FGL2: variants seen among roughly 807,000 people sequenced by gnomAD.
FGL2 encodes fibrinogen like 2.
In FGL2, 21 loss-of-function variants were observed where a neutral mutation model predicts 36.0. The ratio of observed to expected loss-of-function variants is 0.58; its 90% CI spans 0.41 to 0.84. The LOEUF is 0.84. FGL2 is among the 40% of genes least tolerant of loss of function. The pLI is 0.00. For synonymous variants in FGL2, 183 were observed against 190.7 expected (o/e 0.96, Z 0.33); for missense variants, 444 against 526.3 (o/e 0.84, Z 1.53).
At position 77,199,507 on chromosome 7, in the gene FGL2, C is replaced by T. The variant is rs765698358; in HGVS notation, c.287G>A (p.Cys96Tyr). ...KEIVNSLKKS[C>Y]QDCKLQADDN... Reference sequence around the variant, plus strand: ...ATCAGCCTGCAGCTTGCAGTCTTGGCAAGATTTCTTTAGACTATTTACGAT... The same window carrying T: ...ATCAGCCTGCAGCTTGCAGTCTTGGTAAGATTTCTTTAGACTATTTACGAT... The change falls in exon 1 of 2, where the codon TGC (cysteine) becomes TAC (tyrosine). Residue 96 changes from cysteine to tyrosine, a missense_variant. Physicochemically the swap from Cys to Tyr is radical, Grantham distance 194. Transcript: ENST00000248598. 1.2e-6 allele frequency: 2 copies of T among 1,614,074 alleles called. No homozygotes were observed. The highest frequency in any genetic ancestry group is 1.1e-5 in the South Asian group (1 of 91,080).
intron 1 of FGL2, among the ~76,000 whole-genome samples, chr7:77,197,830 T>C (rs1235777095): frequency 2.0e-5 from 3 of 152,202 alleles, no homozygotes; most frequent in Non-Finnish European, 2.9e-5. Flanking sequence ...GTTGGGTTTC[T>C]AGAAAGAAAC....
chr7:77,197,240 A>G (rs1209081990), intron 1 of FGL2, among the ~76,000 whole-genome samples: 2 of 152,256 alleles, frequency 1.3e-5, no homozygotes, highest in Non-Finnish European at 2.9e-5. Flanking sequence ...CGACAATAAG[A>G]AAATAATAAA....
rs1188181698 is a variant in FGL2, at chr7:77,199,247, C to A, written c.547G>T (p.Val183Phe). 5 of 1,614,018 alleles carry A rather than the reference C, an allele frequency of 3.1e-6. No homozygotes were observed. Among genetic ancestry groups the A allele is most frequent in the Non-Finnish European group, 4.2e-6 (5 of 1,179,940 alleles). The change falls in exon 1 of 2, where the codon GTT becomes TTT. Residue 183 changes from valine to phenylalanine, a missense_variant. Val to Phe is a conservative substitution (Grantham distance 50, BLOSUM62 -1). Transcript: ENST00000248598. ...CATTTGCCATCCAAACTATTGACAA[C>A]AAATGTTAGATTTGCCACTTTGCTG... ...VDSKVANLTF[V>F]VNSLDGKCSK...
Position 77,195,922 on chromosome 7 carries a change from GC to G in FGL2, c.*356del, listed in dbSNP as rs1372708106. The G allele has an allele frequency of 5.3e-6, 1 of 187,366 alleles. No individual in the cohort carries two copies. The highest frequency in any genetic ancestry group is 2.4e-5 in the African/African-American group (1 of 42,228). 11.6% of individuals were successfully genotyped at this position (187,366 alleles called of 1,614,324 possible). ...TCTGCCTGCCTTGACATTCCAAAGT[GC>G]TGGGATTACAGGCGTGAGCTACCAC... is the stretch of plus-strand genomic sequence containing the variant. On this transcript the variant is annotated 3_prime_UTR_variant, in exon 2 of 2. Coordinates refer to ENST00000248598, the MANE Select transcript of FGL2 (RefSeq NM_006682.3).
At position 77,199,649 on chromosome 7, in the gene FGL2, A is replaced by C. The variant is rs774275191; in HGVS notation, c.145T>G (p.Cys49Gly). 2.5e-6 allele frequency: 4 copies of C among 1,614,076 alleles called. No individual in the cohort carries two copies. The highest frequency in any genetic ancestry group is 1.3e-5 in the African/African-American group (1 of 75,006). The change falls in exon 1 of 2, where the codon TGC becomes GGC. Residue 49 changes from cysteine to glycine, a missense_variant. Cys to Gly is a radical substitution (Grantham distance 159). Coordinates refer to ENST00000248598, the MANE Select transcript of FGL2 (RefSeq NM_006682.3). ...CPVRLESRGKCEEAGECPYQV... is the reference protein window; with the variant it reads ...CPVRLESRGKGEEAGECPYQV... ...TAGGGGCACTCCCCTGCCTCTTCGC[A>C]TTTCCCTCTGCTTTCTAGTCTCACT...
intron 1 of FGL2, 28 bp downstream of exon 1, chr7:77,199,153 T>C: frequency 6.3e-7 from 1 of 1,582,018 alleles, no homozygotes; most frequent in Non-Finnish European, 8.6e-7. Context: ...TTTATGAACA[T>C]ATGATAAGAA....
At chr7:77,197,203 A>G (rs897235997) in intron 1 of FGL2, among the ~76,000 whole-genome samples, 31 of 152,254 alleles carry the variant, frequency 2.0e-4, no homozygotes, top group African/African-American at 7.0e-4. Flanking sequence ...CTTGGTTGGT[A>G]GTAATAATGA....
At chr7:77,197,007 G>A in intron 1 of FGL2, 22 bp from the exon 2 acceptor site, 1 of 1,431,488 alleles carries the variant, frequency 7.0e-7, no homozygotes, top group Non-Finnish European at 9.7e-7. Flanking sequence ...ATAAAAGGAA[G>A]GCATTGGATC....
At position 77,196,412 on chromosome 7, in the gene FGL2, T is replaced by G. The variant is rs750307630; in HGVS notation, c.1187A>C (p.Gln396Pro). ...CCCATTACGGACACCTCTGTATTTT[T>G]GGTGATAATATTTGCCATTTAAGTT... ...SANLNGKYYH[Q>P]KYRGVRNGIF... is the part of the protein sequence containing the mutation. The change falls in exon 2 of 2, where the codon CAA (glutamine) becomes CCA (proline). Residue 396 changes from glutamine (Q) to proline (P), a missense_variant. Transcript: ENST00000248598. The surrounding 1 kb of genome is among the most constrained non-coding windows in gnomAD (Gnocchi z 4.2). 3.7e-6 allele frequency: 6 copies of G among 1,614,130 alleles called. No individual in the cohort carries two copies. In the Admixed American group the frequency reaches 1.0e-4, roughly 27 times the overall value.
Position 77,195,782 on chromosome 7 carries a change from A to T in FGL2, c.*497T>A, listed in dbSNP as rs1251369844. 6.5e-6 allele frequency: 1 copy of T among 152,940 alleles called. No homozygotes were observed. The highest frequency in any genetic ancestry group is 1.5e-5 in the Non-Finnish European group (1 of 68,684). 9.5% of individuals were successfully genotyped at this position (152,940 alleles called of 1,614,324 possible). A position where few individuals can be genotyped will look rare whatever the true frequency, so the allele number is the denominator to read the frequency against. Reference sequence around the variant, plus strand: ...AGCGATTCTCCTGCCTCAGCCTCCCAAGTAGCTAGGATTACAGGCATGTAC... The same window carrying T: ...AGCGATTCTCCTGCCTCAGCCTCCCTAGTAGCTAGGATTACAGGCATGTAC... On this transcript the variant is annotated 3_prime_UTR_variant, in exon 2 of 2. Coordinates refer to ENST00000248598, the MANE Select transcript of FGL2 (RefSeq NM_006682.3).
At chr7:77,198,333 A>G (rs1366936316) in intron 1 of FGL2, 3 of 985,104 alleles carry the variant, frequency 3.0e-6, no homozygotes, top group South Asian at 4.7e-5. Flanking sequence ...TAGAGGTCCA[A>G]ATGCGGAGAT....
At chr7:77,198,010 A>C in intron 1 of FGL2, 1 of 395,118 alleles carries the variant, frequency 2.5e-6, no homozygotes, top group Non-Finnish European at 3.4e-6. Flanking sequence ...TTTAGAGCTC[A>C]GAATATTCAG....
At chr7:77,198,829 C>T in intron 1 of FGL2, 1 of 293,018 alleles carries the variant, frequency 3.4e-6, no homozygotes, top group Non-Finnish European at 6.3e-6. Flanking sequence ...CAATTGTGAA[C>T]ATCGCCTTAT....
Position 77,199,652 on chromosome 7 carries a change from T to A in FGL2, c.142A>T (p.Lys48Ter). 6.2e-7 allele frequency: 1 copy of A among 1,614,202 alleles called. No homozygotes were observed. The highest frequency in any genetic ancestry group is 1.7e-5 in the Admixed American group (1 of 60,026). Residue 48 changes from lysine to a stop codon, truncating the protein, a stop_gained, in exon 1 of 2, where the codon AAA (lysine) becomes TAA (stop). Transcript: ENST00000248598. LOFTEE classifies it high-confidence loss of function. The stretch of plus-strand genomic sequence containing the variant: ...GGGCACTCCCCTGCCTCTTCGCATT[T>A]CCCTCTGCTTTCTAGTCTCACTGGG... ...VCPVRLESRG[K>*]CEEAGECPYQ...
Position 77,196,957 on chromosome 7 carries a change from A to C in FGL2, c.642T>G (p.Ser214=). The change falls in exon 2 of 2, where the codon TCT becomes TCG. Residue 214 remains serine (S), a synonymous_variant. Coordinates refer to ENST00000248598, the MANE Select transcript of FGL2 (RefSeq NM_006682.3). The surrounding 1 kb of genome is among the most constrained non-coding windows in gnomAD (Gnocchi z 4.2). The part of the protein sequence containing the change: ...PVQHLIYKDC[S]DYYAIGKRSS... ...TTCTTTTGCCTATTGCGTAGTAGTCAGAGCAATCTTTATATATTAGATGTT... is the reference window on the plus strand; with the variant it reads ...TTCTTTTGCCTATTGCGTAGTAGTCCGAGCAATCTTTATATATTAGATGTT... The C allele has an allele frequency of 6.2e-7, 1 of 1,609,818 alleles. No homozygotes were observed. Among genetic ancestry groups the C allele is most frequent in the East Asian group, 2.2e-5 (1 of 44,880 alleles).
chr7:77,196,505 C>T lies in FGL2; in HGVS notation c.1094G>A (p.Arg365Gln), dbSNP rs1459657752. 12 of 1,614,098 alleles carry T rather than the reference C, an allele frequency of 7.4e-6. No homozygotes were observed. The highest frequency in any genetic ancestry group is 7.6e-6 in the Non-Finnish European group (9 of 1,179,978). Residue 365 changes from arginine (R) to glutamine (Q), a missense_variant, in exon 2 of 2, where the codon CGA (arginine) becomes CAA (glutamine). Coordinates refer to ENST00000248598, the MANE Select transcript of FGL2 (RefSeq NM_006682.3). The surrounding 1 kb of genome is among the most constrained non-coding windows in gnomAD (Gnocchi z 4.2). ...FFTTPDKDND[R>Q]YPSGNCGLYY... Reference sequence around the variant, plus strand: ...CAGCCCACAGTTCCCAGAAGGATATCGATCATTGTCTTTATCTGGAGTGGT... The same window carrying T: ...CAGCCCACAGTTCCCAGAAGGATATTGATCATTGTCTTTATCTGGAGTGGT...
chr7:77,196,568 C>A lies in FGL2; in HGVS notation c.1031G>T (p.Arg344Leu), dbSNP rs569344238. Reference protein sequence around the residue: ...NYNGTAGDALRFNKHYNHDLK... With the variant: ...NYNGTAGDALLFNKHYNHDLK... ...ATCGTGGTTGTAATGTTTGTTGAAA[C>A]GTAATGCATCTCCAGCTGTGCCATT... Residue 344 changes from arginine (R) to leucine (L), a missense_variant, in exon 2 of 2, where the codon CGT becomes CTT. By Grantham distance (102) the Arg-to-Leu change is moderately radical. Transcript: ENST00000248598. The surrounding 1 kb of genome is among the most constrained non-coding windows in gnomAD (Gnocchi z 4.2). 3 of 1,614,116 alleles carry A rather than the reference C, an allele frequency of 1.9e-6. No homozygotes were observed. The highest frequency in any genetic ancestry group is 1.1e-5 in the South Asian group (1 of 91,088).
chr7:77,199,665 T>C lies in FGL2; in HGVS notation c.129A>G (p.Leu43=). 1.9e-6 allele frequency: 3 copies of C among 1,614,238 alleles called. No homozygotes were observed. The highest frequency in any genetic ancestry group is 2.5e-6 in the Non-Finnish European group (3 of 1,180,028). The change falls in exon 1 of 2, where the codon CTA becomes CTG. Residue 43 remains leucine, a synonymous_variant. Transcript: ENST00000248598. ...CCTCTTCGCATTTCCCTCTGCTTTC[T>C]AGTCTCACTGGGCAGACATCCTTTG... ...ERAKDVCPVR[L]ESRGKCEEAG...
rs1003767350 is a variant in FGL2 at position 77,194,986 on chromosome 7, A to G, written c.*1293T>C. The G allele has an allele frequency of 6.6e-6, 1 of 152,192 alleles. No individual in the cohort carries two copies. Among genetic ancestry groups the G allele is most frequent in the African/African-American group, 2.4e-5 (1 of 41,450 alleles). The allele number at this position is 152,192 out of a possible 1,614,324, so 9.4% of individuals were successfully genotyped here. A position where few individuals can be genotyped will look rare whatever the true frequency, so the allele number is the denominator to read the frequency against. On this transcript the variant is annotated 3_prime_UTR_variant, in exon 2 of 2. Transcript: ENST00000248598. ...AAGCAATCTACCAGCCAGGGTTGAA[A>G]TATATAGTATTTTAACTACTGTTCT...
Sources: gnomAD v4.1 joint callset for allele counts (sites outside exome capture counted in the v4.1 genomes callset) on GRCh38, gnomAD v4.1.1 for gene constraint, Gnocchi (gnomAD v3.1) non-coding constraint, MANE v1.5 for transcripts, NCBI Gene and HGNC (gene_info 2026-07-23, HGNC 2026-07-21) for gene names.